FAM135B: variants seen among roughly 807,000 people sequenced by gnomAD.
FAM135B encodes family with sequence similarity 135 member B, also known as protein FAM135B.
Under a neutral mutation model 127.7 loss-of-function variants are expected in FAM135B, and 43 were observed. That is an observed-to-expected ratio of 0.34 (90% CI 0.26 to 0.43). The LOEUF (loss-of-function observed/expected upper bound fraction) is 0.43, where lower values mean the gene tolerates loss of function less well. Ranked by LOEUF, FAM135B falls within the 20% of genes least tolerant of loss-of-function variation. FAM135B has a pLI of 1.00. For missense variants in FAM135B, 1,558 were observed against 1,725.6 expected (o/e 0.90, Z 1.72); for synonymous variants, 670 against 665.1 (o/e 1.01, Z -0.11).
At chr8:138,133,272 A>C (rs1438073740) in intron 19 of FAM135B, among the ~76,000 whole-genome samples, 2 of 152,228 alleles carry the variant, frequency 1.3e-5, no homozygotes, top group Non-Finnish European at 2.9e-5. Flanking sequence ...ATTCCAAAGA[A>C]GGAGAATGCA....
chr8:138,176,552 G>A, intron 11 of FAM135B, among the ~76,000 whole-genome samples: 1 of 152,188 alleles, frequency 6.6e-6, no homozygotes, highest in South Asian at 2.1e-4. Flanking sequence ...CATGAGACAA[G>A]CCGTGAATGT....
At chr8:138,227,557 C>G (rs1278001161) in intron 7 of FAM135B, among the ~76,000 whole-genome samples, 1 of 152,154 alleles carries the variant, frequency 6.6e-6, no homozygotes, top group African/African-American at 2.4e-5. Flanking sequence ...TGGGGTATAA[C>G]TGACATACAA....
At chr8:138,148,372 C>T (rs1345860118) in intron 14 of FAM135B, 148 bp downstream of exon 14, 2 of 649,538 alleles carry the variant, frequency 3.1e-6, no homozygotes, top group Non-Finnish European at 5.0e-6. Flanking sequence ...CAAGCCATAC[C>T]ATTTCCTTAG....
At chr8:138,164,955 A>T (rs1278826505) in intron 12 of FAM135B, among the ~76,000 whole-genome samples, 1 of 152,200 alleles carries the variant, frequency 6.6e-6, no homozygotes, top group Non-Finnish European at 1.5e-5. Flanking sequence ...TCTTAGAAAG[A>T]TCTTCTGCAA....
chr8:138,182,225 G>A (rs531456927), intron 9 of FAM135B, among the ~76,000 whole-genome samples: 1 of 152,244 alleles, frequency 6.6e-6, no homozygotes, highest in Non-Finnish European at 1.5e-5. Flanking sequence ...TTATAGAAAT[G>A]GCTTTAGATA....
In FAM135B at chr8:138,437,628, A is replaced by G. The variant is rs143760880; in HGVS notation, c.-20+59043T>C. 19 of 152,342 alleles carry G rather than the reference A, an allele frequency of 1.2e-4. No homozygotes were observed. In the East Asian group the frequency reaches 3.7e-3, roughly 29 times the overall value. The allele number at this position is 152,342 out of a possible 1,614,324, so 9.4% of individuals were successfully genotyped here. ...GGCAGTTCTTCATAGCAGTGTGAAT[A>G]TGGACTAATACACTCTGCCATTTCC... is the stretch of plus-strand genomic sequence containing the variant. On this transcript the variant is annotated intron_variant, in intron 1 of 19. Coordinates refer to ENST00000395297, the MANE Select transcript of FAM135B (RefSeq NM_015912.4).
At chr8:138,180,510 T>C (rs563293389) in intron 9 of FAM135B, among the ~76,000 whole-genome samples, 1 of 152,214 alleles carries the variant, frequency 6.6e-6, no homozygotes, top group African/African-American at 2.4e-5. Context: ...TGCTTTTGGG[T>C]GTAAAATATG....
At chr8:138,486,192 G>A (rs191254371) in intron 1 of FAM135B, among the ~76,000 whole-genome samples, 19 of 151,960 alleles carry the variant, frequency 1.3e-4, no homozygotes, top group African/African-American at 3.4e-4. Context: ...TGGCTAAGTC[G>A]GGATGAAAAT....
chr8:138,308,832 C>T (rs532654943), intron 3 of FAM135B, among the ~76,000 whole-genome samples: 2 of 152,144 alleles, frequency 1.3e-5, no homozygotes, highest in African/African-American at 4.8e-5. Context: ...GAAGCAGAGT[C>T]CTTGACGGGA....
At chr8:138,265,663 G>A (rs770857466) in intron 4 of FAM135B, 40 bp downstream of exon 4, 2 of 1,609,564 alleles carry the variant, frequency 1.2e-6, no homozygotes, top group Admixed American at 1.7e-5. Context: ...GCCATGATAG[G>A]GAACAGCTAC....
At chr8:138,341,485 G>T (rs956407350) in intron 2 of FAM135B, among the ~76,000 whole-genome samples, 2 of 151,958 alleles carry the variant, frequency 1.3e-5, no homozygotes, top group Non-Finnish European at 2.9e-5. Flanking sequence ...AGCTTTAAAA[G>T]TTCTGGAGAT....
chr8:138,219,414 G>A (rs932486730), intron 7 of FAM135B, among the ~76,000 whole-genome samples: 2 of 152,146 alleles, frequency 1.3e-5, no homozygotes, highest in Non-Finnish European at 1.5e-5. Context: ...CATCGTAGGG[G>A]TTGATTTGCT....
chr8:138,458,644 AAC>A (rs1396534167), intron 1 of FAM135B, among the ~76,000 whole-genome samples: 4 of 152,194 alleles, frequency 2.6e-5, no homozygotes, highest in African/African-American at 9.7e-5. Flanking sequence ...GCTTTATTGG[AAC>A]ACAGTCACAG....
intron 1 of FAM135B, among the ~76,000 whole-genome samples, chr8:138,389,060 T>C (rs1832384582): frequency 6.6e-6 from 1 of 152,186 alleles, no homozygotes; most frequent in Non-Finnish European, 1.5e-5. Flanking sequence ...CTAAAACTGC[T>C]CTTAAAAATA....
At chr8:138,136,118 T>G (rs1816641664) in intron 19 of FAM135B, among the ~76,000 whole-genome samples, 1 of 152,002 alleles carries the variant, frequency 6.6e-6, no homozygotes, top group African/African-American at 2.4e-5. Context: ...CTAGATGGTA[T>G]AAAACACAAT....
rs539891515 is a variant in FAM135B at position 138,242,161 on chromosome 8, C to G, written c.669+781G>C. ...TGTGAGTCAATTACTTATGATAAAT[C>G]TCTTTGTGTGTGTGTGTGTGTGTGT... is the stretch of plus-strand genomic sequence containing the variant. On this transcript the variant is annotated intron_variant, in intron 7 of 19. Transcript: ENST00000395297. The surrounding 1 kb of genome is among the most constrained non-coding windows in gnomAD (Gnocchi z 9.6). Among the ~76,000 whole-genome samples, 1 of 133,198 alleles carries G rather than the reference C, an allele frequency of 7.5e-6. No individual in the cohort carries two copies. The highest frequency in any genetic ancestry group is 1.6e-5 in the Non-Finnish European group (1 of 63,578). The allele number at this position is 133,198 out of a possible 152,430, so 87.4% of individuals were successfully genotyped here. A position where few individuals can be genotyped will look rare whatever the true frequency, so the allele number is the denominator to read the frequency against.
At chr8:138,212,053 AAG>A (rs1478455989) in intron 7 of FAM135B, among the ~76,000 whole-genome samples, 1 of 152,172 alleles carries the variant, frequency 6.6e-6, no homozygotes, top group Non-Finnish European at 1.5e-5. Context: ...TGGTGACAGA[AAG>A]ACATTGTCTC....
rs191588182 is a variant in FAM135B at position 138,356,844 on chromosome 8, T to A, written c.77+11063A>T. Reference sequence around the variant, plus strand: ...TCTGTTTATGAAAACTCCTCTCACTTAAAAAGTGCAGATCCATTACCTAAT... The same window carrying A: ...TCTGTTTATGAAAACTCCTCTCACTAAAAAAGTGCAGATCCATTACCTAAT... On this transcript the variant is annotated intron_variant, in intron 2 of 19. Transcript: ENST00000395297. Among the ~76,000 whole-genome samples the A allele has an allele frequency of 2.0e-4, 30 of 152,280 alleles. No individual in the cohort carries two copies. In the East Asian group the frequency reaches 5.6e-3, roughly 28 times the overall value.
intron 12 of FAM135B, among the ~76,000 whole-genome samples, chr8:138,157,916 A>C (rs1057361082): frequency 6.6e-6 from 1 of 152,202 alleles, no homozygotes; most frequent in Admixed American, 6.5e-5. Context: ...TCAAGCTACC[A>C]ATGACTTTCT....
Sources: gnomAD v4.1 joint callset for allele counts (sites outside exome capture counted in the v4.1 genomes callset) on GRCh38, gnomAD v4.1.1 for gene constraint, Gnocchi (gnomAD v3.1) non-coding constraint, MANE v1.5 for transcripts, NCBI Gene and HGNC (gene_info 2026-07-23, HGNC 2026-07-21) for gene names.